Variants in EFCAB14 observed in about 807,000 individuals in gnomAD.
The protein encoded by EFCAB14 is EF-hand calcium-binding domain-containing protein 14.
A neutral mutation model predicts 56.5 loss-of-function variants in EFCAB14; 43 were observed. The observed-to-expected ratio is 0.76, with a 90% CI of 0.60 to 0.98. The LOEUF is 0.98. Ranked by LOEUF, EFCAB14 falls within the 50% of genes least tolerant of loss-of-function variation. The pLI, the probability that EFCAB14 is intolerant of heterozygous loss-of-function variation, is 0.00. For synonymous variants in EFCAB14, 235 were observed against 212.9 expected (o/e 1.10, Z -0.90); for missense variants, 538 against 580.3 (o/e 0.93, Z 0.75).
chr1:46,708,117 A>T (rs1051555483), intron 2 of EFCAB14, 66 bp from the exon 3 acceptor site: 2 of 1,447,432 alleles, frequency 1.4e-6, no homozygotes, highest in Non-Finnish European at 1.8e-6. Context: ...AAGATGAAAA[A>T]ATCATCAAAC....
chr1:46,700,986 A>AGTGTGTGTGTGTGT lies in EFCAB14; in HGVS notation c.481-4351_481-4338dup, dbSNP rs3991763. 1.1e-3 allele frequency among the ~76,000 whole-genome samples: 155 copies of AGTGTGTGTGTGTGT among 142,922 alleles called. 2 individuals carry two copies. Among genetic ancestry groups the AGTGTGTGTGTGTGT allele is most frequent in the East Asian group, 5.3e-3 (26 of 4,866 alleles). The allele number at this position is 142,922 out of a possible 152,430, so 93.8% of individuals were successfully genotyped here. On this transcript the variant is annotated intron_variant, in intron 3 of 10. Coordinates refer to ENST00000371933, the MANE Select transcript of EFCAB14 (RefSeq NM_014774.3). ...GAGAGAGAGAGAGAGAGAGTGAGTG[A>AGTGTGTGTGTGTGT]GTGTGTGTGTGTGTGTGTGTGTGTG... is the stretch of plus-strand genomic sequence containing the variant.
intron 2 of EFCAB14, among the ~76,000 whole-genome samples, chr1:46,709,912 T>C (rs1677284240): frequency 6.6e-6 from 1 of 152,062 alleles, no homozygotes; most frequent in Non-Finnish European, 1.5e-5. Context: ...CATTTGAACC[T>C]GGGAGGTGGA....
At chr1:46,678,732 A>G in intron 10 of EFCAB14, 96 bp from the exon 11 acceptor site, 1 of 1,196,142 alleles carries the variant, frequency 8.4e-7, no homozygotes, top group Non-Finnish European at 1.1e-6. Context: ...CTAAAAGAAA[A>G]GCTACTCCGC....
At chr1:46,692,261 G>T (rs935873266) in intron 4 of EFCAB14, among the ~76,000 whole-genome samples, 1 of 152,222 alleles carries the variant, frequency 6.6e-6, no homozygotes, top group African/African-American at 2.4e-5. Flanking sequence ...CTACTCAGCA[G>T]AATTGGGATT....
At chr1:46,679,601 T>TTTTG (rs1676757170) in intron 10 of EFCAB14, among the ~76,000 whole-genome samples, 1 of 40,096 alleles carries the variant, frequency 2.5e-5, no homozygotes, top group Non-Finnish European at 4.0e-5. Flanking sequence ...CCACGCCTGT[T>TTTTG]TTTTTTTTTT....
At chr1:46,691,374 C>T (rs1170352534) in intron 5 of EFCAB14, among the ~76,000 whole-genome samples, 3 of 152,194 alleles carry the variant, frequency 2.0e-5, no homozygotes, top group African/African-American at 7.2e-5. Context: ...CTGGAACATG[C>T]TAGACAGCCT....
chr1:46,691,040 T>A (rs143329600), intron 5 of EFCAB14, among the ~76,000 whole-genome samples: 13 of 152,288 alleles, frequency 8.5e-5, no homozygotes, highest in African/African-American at 2.6e-4. Flanking sequence ...ATCCTTTTTT[T>A]ACTCTTCATA....
Position 46,696,536 on chromosome 1 carries a change from A to G in EFCAB14, c.579+15T>C, listed in dbSNP as rs149391690. The G allele has an allele frequency of 2.2e-4, 348 of 1,611,632 alleles. 1 individual carries two copies. The African/African-American group carries it at 3.6e-3, about 17-fold the overall frequency. ...CCTACCTTCTGAAGTCTCTGTACCC[A>G]CACATGGCACCTACCTTCTGAAGTC... On this transcript the variant is annotated intron_variant, in intron 4 of 10. Transcript: ENST00000371933.
chr1:46,684,678 C>T, intron 8 of EFCAB14, 76 bp from the exon 9 acceptor site: 2 of 1,234,844 alleles, frequency 1.6e-6, no homozygotes, highest in Admixed American at 1.7e-5. Flanking sequence ...ATTCCCAGAG[C>T]CTGTTTAGCA....
intron 3 of EFCAB14, among the ~76,000 whole-genome samples, chr1:46,699,301 G>A (rs1349633492): frequency 6.6e-6 from 1 of 152,158 alleles, no homozygotes; most frequent in African/African-American, 2.4e-5. Flanking sequence ...AGGTTAGAAG[G>A]GTGAGGGTGG....
chr1:46,692,252 T>C (rs552037395), intron 4 of EFCAB14, among the ~76,000 whole-genome samples: 3 of 152,334 alleles, frequency 2.0e-5, no homozygotes, highest in Admixed American at 1.3e-4. Flanking sequence ...TGGCTGCTTC[T>C]ACTCAGCAGA....
rs1409844281 is a variant in EFCAB14, at chr1:46,676,870, A to C, written c.*1591T>G. 7.2e-5 allele frequency: 10 copies of C among 139,382 alleles called. No individual in the cohort carries two copies. The Admixed American group carries it at 7.7e-4, about 11-fold the overall frequency. The allele number at this position is 139,382 out of a possible 1,614,324, so 8.6% of individuals were successfully genotyped here. On this transcript the variant is annotated 3_prime_UTR_variant, in exon 11 of 11. Transcript: ENST00000371933. ...TAATACCAAGCTGAACATCATGTAA[A>C]GAAAAAAAAAACAGCCCTTAAATGT...
At chr1:46,713,434 C>A (rs948286651) in intron 2 of EFCAB14, among the ~76,000 whole-genome samples, 7 of 152,116 alleles carry the variant, frequency 4.6e-5, no homozygotes, top group African/African-American at 1.7e-4. Context: ...TATAGTATTT[C>A]CAGGGATTGG....
intron 10 of EFCAB14, among the ~76,000 whole-genome samples, chr1:46,682,024 T>C (rs1031608559): frequency 2.0e-5 from 3 of 151,690 alleles, no homozygotes; most frequent in Admixed American, 6.6e-5. Context: ...GATAGAAAAA[T>C]TTAAGTCTTC....
chr1:46,689,503 G>T, intron 6 of EFCAB14, 84 bp downstream of exon 6: 1 of 1,311,736 alleles, frequency 7.6e-7, no homozygotes, highest in South Asian at 1.2e-5. Flanking sequence ...CACCTGCTGA[G>T]ACACCAAACA....
chr1:46,688,569 TG>T, intron 6 of EFCAB14, 25 bp from the exon 7 acceptor site: 1 of 1,602,076 alleles, frequency 6.2e-7, no homozygotes, highest in South Asian at 1.1e-5. Flanking sequence ...AATAAAGTTA[TG>T]GAATCCACTA....
chr1:46,689,753 T>A, intron 5 of EFCAB14, 62 bp from the exon 6 acceptor site: 1 of 1,426,030 alleles, frequency 7.0e-7, no homozygotes, highest in Non-Finnish European at 9.9e-7. Context: ...CTTAACTATC[T>A]GAGATTGTCC....
In EFCAB14 at chr1:46,676,607, T is replaced by A. The variant is rs1676698730; in HGVS notation, c.*1854A>T. 6.6e-6 allele frequency: 1 copy of A among 152,500 alleles called. No individual in the cohort carries two copies. Among genetic ancestry groups the A allele is most frequent in the Admixed American group, 6.6e-5 (1 of 15,252 alleles). The allele number at this position is 152,500 out of a possible 1,614,324, so 9.4% of individuals were successfully genotyped here. ...AGAATTTTATTTGGTTGTTAGAAAA[T>A]CTGTAAGGGTGTATATATATTAAAA... is the stretch of plus-strand genomic sequence containing the variant. On this transcript the variant is annotated 3_prime_UTR_variant, in exon 11 of 11. Transcript: ENST00000371933.
chr1:46,714,830 G>T (rs909030481), intron 2 of EFCAB14, among the ~76,000 whole-genome samples: 1 of 149,408 alleles, frequency 6.7e-6, no homozygotes, highest in Non-Finnish European at 1.5e-5. Flanking sequence ...GAAAGAAAAA[G>T]AAATGAAAAA....
Sources: gnomAD v4.1 joint callset for allele counts (sites outside exome capture counted in the v4.1 genomes callset) on GRCh38, gnomAD v4.1.1 for gene constraint, MANE v1.5 for transcripts, NCBI Gene and HGNC (gene_info 2026-07-23, HGNC 2026-07-21) for gene names.